The following SCN1A variants were observed in gnomAD, a reference collection of about 807,000 sequenced individuals.
SCN1A encodes the protein sodium voltage-gated channel alpha subunit 1.
A neutral mutation model predicts 193.7 loss-of-function variants in SCN1A; 13 were observed. The observed-to-expected ratio is 0.07, with a 90% CI of 0.04 to 0.11. The LOEUF (loss-of-function observed/expected upper bound fraction) is 0.11. Ranked by LOEUF, SCN1A falls within the 10% of genes least tolerant of loss-of-function variation. The pLI is 1.00. For missense variants in SCN1A, 1,432 were observed against 2,451.1 expected (o/e 0.58, Z 8.78); for synonymous variants, 781 against 843.6 (o/e 0.93, Z 1.29).
intron 19 of SCN1A, among the ~76,000 whole-genome samples, chr2:166,034,213 A>G (rs1040676293): frequency 2.6e-5 from 4 of 152,120 alleles, no homozygotes; most frequent in Non-Finnish European, 5.9e-5. Flanking sequence ...TCTCTCATCA[A>G]ACAAATCTGA....
chr2:165,999,324 CTT>C (rs1690505454), intron 25 of SCN1A, among the ~76,000 whole-genome samples: 1 of 151,394 alleles, frequency 6.6e-6, no homozygotes, highest in Admixed American at 6.6e-5. Context: ...ATATCCATAA[CTT>C]TTCATGCTGT....
chr2:166,114,204 ATTAG>A (rs1052984694), intron 2 of SCN1A, among the ~76,000 whole-genome samples: 3 of 152,218 alleles, frequency 2.0e-5, no homozygotes, highest in Non-Finnish European at 4.4e-5. Flanking sequence ...AAAATCAGAA[ATTAG>A]TTAAACAATG....
At chr2:166,010,028 A>G (rs772749766) in intron 22 of SCN1A, among the ~76,000 whole-genome samples, 187 bp from the exon 23 acceptor site, 1 of 150,994 alleles carries the variant, frequency 6.6e-6, no homozygotes, top group Non-Finnish European at 1.5e-5. Flanking sequence ...AATTTTTAGG[A>G]CATTAATTAA....
chr2:166,024,106 G>A (rs1219939630), intron 19 of SCN1A, among the ~76,000 whole-genome samples: 4 of 152,022 alleles, frequency 2.6e-5, no homozygotes, highest in Non-Finnish European at 5.9e-5. Flanking sequence ...GGATGTGGTG[G>A]TGCATGCTAC....
chr2:166,059,805 A>G (rs1354090662), intron 4 of SCN1A, among the ~76,000 whole-genome samples: 1 of 152,148 alleles, frequency 6.6e-6, no homozygotes, highest in Non-Finnish European at 1.5e-5. Flanking sequence ...GATTTCCCCT[A>G]TACTTGCAGG....
chr2:166,081,282 T>C (rs1345717571), intron 2 of SCN1A, among the ~76,000 whole-genome samples: 1 of 152,004 alleles, frequency 6.6e-6, no homozygotes, highest in Non-Finnish European at 1.5e-5. Context: ...TAGCTCACAA[T>C]GAAGTATTTC....
chr2:165,994,500 T>G, intron 27 of SCN1A, 84 bp from the exon 28 acceptor site: 2 of 1,318,384 alleles, frequency 1.5e-6, no homozygotes, highest in South Asian at 1.2e-5. Flanking sequence ...TTAATTGACT[T>G]TCTAGTTTCT....
chr2:166,032,202 T>TACACACACACACACACACACACAC, intron 19 of SCN1A, among the ~76,000 whole-genome samples: 13 of 77,192 alleles, frequency 1.7e-4, no homozygotes, highest in Non-Finnish European at 2.7e-4. Flanking sequence ...TTGAAAGTCA[T>TACACACACACACACACACACACAC]ACACACACAC....
chr2:166,039,860 G>C (rs1486956255), intron 16 of SCN1A, among the ~76,000 whole-genome samples: 2 of 148,360 alleles, frequency 1.3e-5, no homozygotes, highest in East Asian at 2.0e-4. Flanking sequence ...TGGCTTGCTT[G>C]ATATCATACA....
chr2:166,030,020 A>T (rs1341418321), intron 19 of SCN1A, among the ~76,000 whole-genome samples: 1 of 152,306 alleles, frequency 6.6e-6, no homozygotes, highest in East Asian at 1.9e-4. Context: ...CTATGCTGTT[A>T]ACCTATGCCC....
chr2:166,059,947 C>T (rs1185749730), intron 4 of SCN1A, among the ~76,000 whole-genome samples: 1 of 151,646 alleles, frequency 6.6e-6, no homozygotes, highest in Non-Finnish European at 1.5e-5. Flanking sequence ...AAAGTATGGT[C>T]CCCCAACCAG....
intron 1 of SCN1A, among the ~76,000 whole-genome samples, chr2:166,134,809 AT>A (rs1691792679): frequency 6.6e-6 from 1 of 152,192 alleles, no homozygotes; most frequent in African/African-American, 2.4e-5. Flanking sequence ...AACATTTCAC[AT>A]GCCTGAGCTT....
At chr2:166,093,315 C>G (rs1574462340) in intron 2 of SCN1A, among the ~76,000 whole-genome samples, 1 of 151,522 alleles carries the variant, frequency 6.6e-6, no homozygotes, top group Admixed American at 6.6e-5. Flanking sequence ...GGGTTTTGGC[C>G]TATGGGATTT....
At chr2:166,007,055 GTTTTT>G (rs560882795) in intron 23 of SCN1A, among the ~76,000 whole-genome samples, 1 of 140,914 alleles carries the variant, frequency 7.1e-6, no homozygotes, top group Non-Finnish European at 1.6e-5. Context: ...ATTCATAAAG[GTTTTT>G]TTTTTTTTCA....
At chr2:166,069,794 A>G (rs771585827) in intron 4 of SCN1A, among the ~76,000 whole-genome samples, 9 of 152,184 alleles carry the variant, frequency 5.9e-5, no homozygotes, top group Non-Finnish European at 1.3e-4. Context: ...CTAACTGCAT[A>G]TTCCATTTCA....
At chr2:166,006,512 A>G (rs1437328106) in intron 23 of SCN1A, among the ~76,000 whole-genome samples, 1 of 151,434 alleles carries the variant, frequency 6.6e-6, no homozygotes, top group African/African-American at 2.4e-5. Context: ...ATTTTATCTT[A>G]ATACTCATGA....
chr2:166,137,402 C>A (rs1691904795), intron 1 of SCN1A: 1 of 152,152 alleles, frequency 6.6e-6, no homozygotes, highest in Non-Finnish European at 1.5e-5. Flanking sequence ...ATTGTAACTC[C>A]CACAATTCCC....
At chr2:166,009,448 G>T in intron 23 of SCN1A, 4 of 236,500 alleles carry the variant, frequency 1.7e-5, no homozygotes, top group Middle Eastern at 1.6e-3. Context: ...GCTTTTTTTT[G>T]TATATAGATT....
intron 27 of SCN1A, 98 bp from the exon 28 acceptor site, chr2:165,994,514 A>G: frequency 8.7e-7 from 1 of 1,151,776 alleles, no homozygotes; most frequent in Non-Finnish European, 1.3e-6. Flanking sequence ...AGTTTCTTGC[A>G]AAGTAGTCAT....
Sources: gnomAD v4.1 joint callset for allele counts (sites outside exome capture counted in the v4.1 genomes callset) on GRCh38, gnomAD v4.1.1 for gene constraint, MANE v1.5 for transcripts, NCBI Gene and HGNC (gene_info 2026-07-23, HGNC 2026-07-21) for gene names.